PKHD1L1: variants seen among roughly 807,000 people sequenced by gnomAD.
PKHD1L1 encodes PKHD1 like 1.
In PKHD1L1, 434 loss-of-function variants were observed where a neutral mutation model predicts 462.9. The ratio of observed to expected loss-of-function variants is 0.94; its 90% CI spans 0.87 to 1.02. The LOEUF (loss-of-function observed/expected upper bound fraction) is 1.02. Among genes scored for constraint, PKHD1L1 ranks in the 50% least tolerant of loss-of-function variants. The pLI is 0.00. For synonymous variants in PKHD1L1, 1,781 were observed against 1,750.0 expected, an observed-to-expected ratio of 1.02 and a Z score of -0.44; for missense variants, 5,202 against 5,096.1, an observed-to-expected ratio of 1.02 and a Z score of -0.63.
chr8:109,377,635 G>A (rs910625838), intron 2 of PKHD1L1, among the ~76,000 whole-genome samples: 2 of 152,064 alleles, frequency 1.3e-5, no homozygotes, highest in Admixed American at 1.3e-4. Flanking sequence ...GAAGTAATCT[G>A]GGCAAAAGCT....
intron 35 of PKHD1L1, 33 bp from the exon 36 acceptor site, chr8:109,442,913 A>T (rs1815884796): frequency 6.3e-7 from 1 of 1,594,048 alleles, no homozygotes; most frequent in Non-Finnish European, 8.6e-7. Context: ...TTAATTGCTT[A>T]TATTTATTAC....
chr8:109,475,620 T>C (rs1316259091), intron 51 of PKHD1L1, among the ~76,000 whole-genome samples: 1 of 151,566 alleles, frequency 6.6e-6, no homozygotes, highest in Non-Finnish European at 1.5e-5. Flanking sequence ...CAAACATACC[T>C]GAGGTCAAGA....
At chr8:109,407,940 C>T in intron 17 of PKHD1L1, 109 bp from the exon 18 acceptor site, 3 of 690,040 alleles carry the variant, frequency 4.3e-6, no homozygotes, top group Non-Finnish European at 5.8e-6. Flanking sequence ...CAAATGAAAC[C>T]AATTTGGCTA....
At chr8:109,489,890 T>C (rs1367977270) in intron 59 of PKHD1L1, 62 bp from the exon 60 acceptor site, 1 of 1,022,270 alleles carries the variant, frequency 9.8e-7, no homozygotes, top group Non-Finnish European at 1.5e-6. Context: ...GTGTAGCTTT[T>C]CAAAAATGTT....
chr8:109,406,693 G>A (rs1037695), intron 17 of PKHD1L1, among the ~76,000 whole-genome samples: 86,116 of 151,876 alleles, frequency 0.57, 24,599 homozygotes, highest in South Asian at 0.69. Flanking sequence ...CTACAAATGC[G>A]TTTTCCATAT....
At chr8:109,493,911 T>TA (rs1369968912) in intron 63 of PKHD1L1, among the ~76,000 whole-genome samples, 160 bp downstream of exon 63, 2 of 151,836 alleles carry the variant, frequency 1.3e-5, no homozygotes, top group Admixed American at 1.3e-4. Flanking sequence ...ACATTGGATC[T>TA]AAAAAAATAA....
At chr8:109,375,975 C>T (rs1241585786) in intron 2 of PKHD1L1, among the ~76,000 whole-genome samples, 1 of 152,204 alleles carries the variant, frequency 6.6e-6, no homozygotes, top group Non-Finnish European at 1.5e-5. Flanking sequence ...GGCAGTCTGC[C>T]CATTCTCTGA....
chr8:109,513,583 T>A (rs1336551539), intron 71 of PKHD1L1, among the ~76,000 whole-genome samples: 1 of 152,100 alleles, frequency 6.6e-6, no homozygotes, highest in Non-Finnish European at 1.5e-5. Flanking sequence ...TCTAAGAATA[T>A]GAGACTTTAA....
chr8:109,365,009 A>C (rs1811160920), intron 2 of PKHD1L1, among the ~76,000 whole-genome samples: 1 of 152,202 alleles, frequency 6.6e-6, no homozygotes, highest in Non-Finnish European at 1.5e-5. Context: ...GTTGATAAGA[A>C]AGTATAATAG....
At position 109,530,492 on chromosome 8, in the gene PKHD1L1, C is replaced by T. The variant is rs759758296; in HGVS notation, c.*402C>T. ...ACTTGAGGGGGGGGGTTCTTATTTT[C>T]TCTATCCATTTACAAGGTTTTGATT... On this transcript the variant is annotated 3_prime_UTR_variant, in exon 78 of 78. Transcript: ENST00000378402. 4.2e-4 allele frequency among the ~76,000 whole-genome samples: 64 copies of T among 151,552 alleles called. No homozygotes were observed. Among genetic ancestry groups the T allele is most frequent in the Non-Finnish European group, 7.9e-4 (54 of 67,928 alleles).
At position 109,526,869 on chromosome 8, in the gene PKHD1L1, T is replaced by C. The variant is rs1586671416; in HGVS notation, c.12570T>C (p.Ser4190=). The change falls in exon 77 of 78, where the codon TCT becomes TCC. Residue 4190 remains serine (S), a synonymous_variant. Coordinates refer to ENST00000378402, the MANE Select transcript of PKHD1L1 (RefSeq NM_177531.6). ...TCAGCCTGCTGGCAGAGTCTGTCTC[T>C]AGCAGTGGCAGCAGCAGCAGCAGCA... is the stretch of plus-strand genomic sequence containing the variant. The part of the protein sequence containing the change: ...RTFSLLAESV[S]SSGSSSSSNS... 1 of 1,606,956 alleles carries C rather than the reference T, an allele frequency of 6.2e-7. No individual in the cohort carries two copies. The highest frequency in any genetic ancestry group is 8.5e-7 in the Non-Finnish European group (1 of 1,176,230).
intron 15 of PKHD1L1, 126 bp downstream of exon 15, chr8:109,404,839 T>C: frequency 1.7e-6 from 2 of 1,183,360 alleles, no homozygotes; most frequent in Non-Finnish European, 2.3e-6. Context: ...ATTATTAAAT[T>C]ATGACTTTGA....
At chr8:109,452,970 G>A in intron 43 of PKHD1L1, 96 bp downstream of exon 43, 1 of 1,088,166 alleles carries the variant, frequency 9.2e-7, no homozygotes, top group Non-Finnish European at 1.2e-6. Flanking sequence ...AAACATAGTT[G>A]CACTATCTTT....
chr8:109,476,615 C>G lies in PKHD1L1; in HGVS notation c.8865C>G (p.Ser2955Arg). Reference sequence around the variant, plus strand: ...CAAATCCATTGAATTGGAATACTAGCAAGAATGGGGACTGGCACCTTGAAG... The same window carrying G: ...CAAATCCATTGAATTGGAATACTAGGAAGAATGGGGACTGGCACCTTGAAG... ...GSSNPLNWNT[S>R]KNGDWHLEAN... The change falls in exon 52 of 78, where the codon AGC becomes AGG. Residue 2955 changes from serine (S) to arginine (R), a missense_variant. By Grantham distance (110) the Ser-to-Arg change is moderately radical. This residue lies in a region of PKHD1L1 where 4,497 missense variants were observed against 4,336.8 expected (regional missense o/e 1.04). Transcript: ENST00000378402. 4 of 1,597,682 alleles carry G rather than the reference C, an allele frequency of 2.5e-6. No homozygotes were observed. The highest frequency in any genetic ancestry group is 3.4e-6 in the Non-Finnish European group (4 of 1,170,686).
At chr8:109,396,691 C>A (rs538706795) in intron 11 of PKHD1L1, among the ~76,000 whole-genome samples, 2 of 152,068 alleles carry the variant, frequency 1.3e-5, no homozygotes, top group Non-Finnish European at 2.9e-5. Flanking sequence ...TTTTATGTGT[C>A]CTGTCCAGAT....
At chr8:109,484,788 A>G (rs1380892968) in intron 57 of PKHD1L1, among the ~76,000 whole-genome samples, 1 of 151,970 alleles carries the variant, frequency 6.6e-6, no homozygotes, top group Non-Finnish European at 1.5e-5. Context: ...TTTTTAAAAA[A>G]GGTATATTGC....
Position 109,396,034 on chromosome 8 carries a change from C to T in PKHD1L1, c.819C>T (p.Thr273=). The T allele has an allele frequency of 6.3e-7, 1 of 1,595,604 alleles. No homozygotes were observed. Among genetic ancestry groups the T allele is most frequent in the Non-Finnish European group, 8.5e-7 (1 of 1,170,346 alleles). The stretch of plus-strand genomic sequence containing the variant: ...AATGTGGTTTTCCCCCAGAGGTCAC[C>T]ATGATTTTCCCTTCACAAGGAAGCA... ...IAMFQTYAEV[T]MIFPSQGSIR... The change falls in exon 11 of 78, where the codon ACC becomes ACT. Residue 273 remains threonine, a synonymous_variant. Transcript: ENST00000378402.
At chr8:109,434,964 T>C (rs1310213851) in intron 28 of PKHD1L1, among the ~76,000 whole-genome samples, 1 of 152,136 alleles carries the variant, frequency 6.6e-6, no homozygotes, top group Non-Finnish European at 1.5e-5. Context: ...TTGCTTTCAC[T>C]ATTGGTTTAC....
At chr8:109,484,912 G>C in intron 57 of PKHD1L1, 132 bp from the exon 58 acceptor site, 1 of 700,760 alleles carries the variant, frequency 1.4e-6, no homozygotes, top group Non-Finnish European at 2.2e-6. Context: ...TCAATGTACT[G>C]TTTATTCTTT....
Sources: allele counts gnomAD v4.1 joint callset (sites outside exome capture counted in the v4.1 genomes callset), GRCh38; gene constraint gnomAD v4.1.1; regional missense constraint gnomAD v4.1.1; transcripts MANE v1.5; gene names NCBI Gene and HGNC (gene_info 2026-07-23, HGNC 2026-07-21).